Variants in MACO1 observed in about 807,000 individuals in gnomAD.
MACO1 encodes macoilin.
Under a neutral mutation model 78.7 loss-of-function variants are expected in MACO1, and 14 were observed. The observed-to-expected ratio is 0.18, with a 90% confidence interval of 0.12 to 0.28. MACO1 has a LOEUF of 0.28. MACO1 is among the 10% of genes least tolerant of loss of function. The probability of loss-of-function intolerance (pLI) is 1.00; values close to 1 mark genes in which losing one functional copy is unlikely to be tolerated. For missense variants in MACO1, 501 were observed against 799.0 expected (o/e 0.63, Z 4.50); for synonymous variants, 288 against 291.6 (o/e 0.99, Z 0.12).
intron 3 of MACO1, among the ~76,000 whole-genome samples, chr1:25,451,170 CA>C (rs1396158477): frequency 6.6e-6 from 1 of 152,036 alleles, no homozygotes; most frequent in African/African-American, 2.4e-5. Flanking sequence ...ACAAACGAAA[CA>C]AAAAACTACT....
chr1:25,450,028 A>T (rs2124579072), intron 3 of MACO1, among the ~76,000 whole-genome samples: 1 of 152,308 alleles, frequency 6.6e-6, no homozygotes, highest in South Asian at 2.1e-4. Context: ...CAAAAAACAC[A>T]CAACAAAACA....
At chr1:25,496,657 G>T (rs918976408) in intron 10 of MACO1, among the ~76,000 whole-genome samples, 22 of 151,804 alleles carry the variant, frequency 1.4e-4, no homozygotes, top group African/African-American at 5.3e-4. Flanking sequence ...ACAACTTGTA[G>T]AACTCCACTT....
chr1:25,443,650 A>G (rs2042990892), intron 1 of MACO1, among the ~76,000 whole-genome samples: 1 of 152,258 alleles, frequency 6.6e-6, no homozygotes, highest in East Asian at 1.9e-4. Context: ...TAAATGATTG[A>G]ATTATTAAAA....
intron 6 of MACO1, among the ~76,000 whole-genome samples, chr1:25,462,797 C>CGGGTCTTTTACA (rs756385403): frequency 1.3e-5 from 2 of 151,084 alleles, no homozygotes; most frequent in Non-Finnish European, 3.0e-5. Context: ...AAAGGGCGGG[C>CGGGTCTTTTACA]AGTCTGGCAG....
At chr1:25,455,973 A>G (rs1464141938) in intron 4 of MACO1, among the ~76,000 whole-genome samples, 1 of 152,044 alleles carries the variant, frequency 6.6e-6, no homozygotes, top group Non-Finnish European at 1.5e-5. Context: ...TTTTAAAAGC[A>G]TACAGGCCAG....
intron 6 of MACO1, among the ~76,000 whole-genome samples, chr1:25,479,738 A>G (rs145642719): frequency 1.5e-4 from 23 of 152,310 alleles, no homozygotes; most frequent in Middle Eastern, 3.4e-3. Flanking sequence ...CTCATGACAT[A>G]CATTTTTCTA....
Position 25,498,471 on chromosome 1 carries a change from C to T in MACO1, c.*5C>T. 1 of 1,602,462 alleles carries T rather than the reference C, an allele frequency of 6.2e-7. No homozygotes were observed. Among genetic ancestry groups the T allele is most frequent in the East Asian group, 2.2e-5 (1 of 44,842 alleles). On this transcript the variant is annotated 3_prime_UTR_variant, in exon 11 of 11. Transcript: ENST00000374343. Reference sequence around the variant, plus strand: ...TACCAGCCCCTGAAGAAATGAAGGCCAGCTGTGTGTTGTGCCCAAAAATTT... The same window carrying T: ...TACCAGCCCCTGAAGAAATGAAGGCTAGCTGTGTGTTGTGCCCAAAAATTT...
chr1:25,475,121 G>A (rs893897617), intron 6 of MACO1, among the ~76,000 whole-genome samples: 2 of 152,184 alleles, frequency 1.3e-5, no homozygotes, highest in Admixed American at 1.3e-4. Context: ...GAGGCGGGCG[G>A]ATCACGAGGT....
chr1:25,482,088 G>A (rs1414919418), intron 6 of MACO1, among the ~76,000 whole-genome samples: 1 of 152,130 alleles, frequency 6.6e-6, no homozygotes, highest in Non-Finnish European at 1.5e-5. Context: ...AGTCTTTGGA[G>A]CTGACAGTTC....
chr1:25,498,139 C>T, intron 10 of MACO1, 125 bp from the exon 11 acceptor site: 1 of 899,506 alleles, frequency 1.1e-6, no homozygotes, highest in Admixed American at 2.5e-5. Context: ...AGTTTGCCTG[C>T]TCTTATAAAT....
At chr1:25,451,805 C>T (rs997332981) in intron 3 of MACO1, among the ~76,000 whole-genome samples, 1 of 151,980 alleles carries the variant, frequency 6.6e-6, no homozygotes, top group African/African-American at 2.4e-5. Flanking sequence ...GCTCAGGAGG[C>T]TGAGGCAGGA....
At chr1:25,484,308 C>G in intron 7 of MACO1, 34 bp downstream of exon 7, 2 of 1,542,242 alleles carry the variant, frequency 1.3e-6, no homozygotes, top group Non-Finnish European at 1.7e-6. Context: ...GGCCGTAAGC[C>G]CGGCAGCTTC....
chr1:25,497,030 A>G (rs974679340), intron 10 of MACO1, among the ~76,000 whole-genome samples: 4 of 152,132 alleles, frequency 2.6e-5, no homozygotes, highest in Non-Finnish European at 4.4e-5. Context: ...ATGAAGCCCT[A>G]TGTGTTAGTT....
intron 1 of MACO1, among the ~76,000 whole-genome samples, chr1:25,443,596 A>G (rs190280022): frequency 2.0e-5 from 3 of 152,382 alleles, no homozygotes; most frequent in African/African-American, 7.2e-5. Context: ...ATTGAAAAAG[A>G]ATAGTCACTA....
Position 25,485,874 on chromosome 1 carries a change from G to C in MACO1, c.1496+79G>C. 1 of 1,484,662 alleles carries C rather than the reference G, an allele frequency of 6.7e-7. No individual in the cohort carries two copies. Among genetic ancestry groups the C allele is most frequent in the Non-Finnish European group, 9.1e-7 (1 of 1,093,578 alleles). 92.0% of individuals were successfully genotyped at this position (1,484,662 alleles called of 1,614,324 possible). ...AAAGACATGGGAATTTGGTGCCTTG[G>C]GCAGGATTGGACGTACAGCAATCAT... On this transcript the variant is annotated intron_variant, in intron 8 of 10. Transcript: ENST00000374343. The surrounding 1 kb of genome is among the most constrained non-coding windows in gnomAD (Gnocchi z 4.3).
At chr1:25,455,683 T>C (rs2043113015) in intron 4 of MACO1, among the ~76,000 whole-genome samples, 1 of 152,210 alleles carries the variant, frequency 6.6e-6, no homozygotes, top group South Asian at 2.1e-4. Context: ...GCTGGTTTAA[T>C]TTGGTGATAC....
chr1:25,471,371 A>G (rs976040159), intron 6 of MACO1, among the ~76,000 whole-genome samples: 4 of 151,994 alleles, frequency 2.6e-5, no homozygotes, highest in African/African-American at 9.7e-5. Context: ...AAAGAAAAAT[A>G]TGGGTAGATA....
intron 10 of MACO1, among the ~76,000 whole-genome samples, chr1:25,497,179 G>A (rs1474039612): frequency 2.6e-5 from 4 of 152,152 alleles, no homozygotes; most frequent in South Asian, 2.1e-4. Flanking sequence ...TTGGGAGTTC[G>A]AGACCAGCCT....
At chr1:25,458,104 C>T (rs1221736609) in intron 5 of MACO1, among the ~76,000 whole-genome samples, 4 of 152,114 alleles carry the variant, frequency 2.6e-5, no homozygotes, top group Non-Finnish European at 5.9e-5. Context: ...AATTATAAAA[C>T]CCTGATCTTG....
Sources: allele counts gnomAD v4.1 joint callset (sites outside exome capture counted in the v4.1 genomes callset), GRCh38; gene constraint gnomAD v4.1.1; non-coding constraint Gnocchi (gnomAD v3.1); transcripts MANE v1.5; gene names NCBI Gene and HGNC (gene_info 2026-07-23, HGNC 2026-07-21).